The following MYO5B variants were observed in gnomAD, a reference collection of about 807,000 sequenced individuals.
MYO5B encodes myosin VB, also known as unconventional myosin-Vb.
A neutral mutation model predicts 229.3 loss-of-function variants in MYO5B; 143 were observed. The observed-to-expected ratio is 0.62, with a 90% CI of 0.54 to 0.72. The LOEUF is 0.72. MYO5B is among the 30% of genes least tolerant of loss of function. MYO5B has a pLI of 0.00. For missense variants in MYO5B, 2,321 were observed against 2,331.0 expected (o/e 1.00, Z 0.09); for synonymous variants, 918 against 885.2 (o/e 1.04, Z -0.66).
chr18:49,973,357 G>A (rs2025711425), intron 10 of MYO5B, among the ~76,000 whole-genome samples: 1 of 152,318 alleles, frequency 6.6e-6, no homozygotes, highest in Non-Finnish European at 1.5e-5. Context: ...TTCTACAGGG[G>A]ACTGGCCTTT....
At chr18:50,125,900 G>T (rs1372569216) in intron 1 of MYO5B, among the ~76,000 whole-genome samples, 2 of 152,186 alleles carry the variant, frequency 1.3e-5, no homozygotes, top group Non-Finnish European at 1.5e-5. Flanking sequence ...AAATAAGCCA[G>T]AAAAGGACAA....
At chr18:49,997,431 G>A (rs1358130763) in intron 5 of MYO5B, among the ~76,000 whole-genome samples, 1 of 122,316 alleles carries the variant, frequency 8.2e-6, no homozygotes, top group Non-Finnish European at 1.6e-5. Flanking sequence ...AGGCTGGAGT[G>A]CAATGGCATG....
Position 49,836,756 on chromosome 18 carries a change from G to A in MYO5B, c.5268C>T (p.Asp1756=), listed in dbSNP as rs1058514. 111 of 1,614,138 alleles carry A rather than the reference G, an allele frequency of 6.9e-5. No individual in the cohort carries two copies. The highest frequency in any genetic ancestry group is 3.3e-4 in the Middle Eastern group (2 of 6,056). Residue 1756 remains aspartate, a synonymous_variant, in exon 38 of 40, where the codon GAC becomes GAT. Coordinates refer to ENST00000285039, the MANE Select transcript of MYO5B (RefSeq NM_001080467.3). The stretch of plus-strand genomic sequence containing the variant: ...TACACAGGGAGCAGATAGCCTCTGC[G>A]TCCTCCTGGGTTTTCTTCTTTAATT... ...LLQLKKKTQE[D]AEAICSLCTS...
chr18:49,900,449 G>C (rs1002811581), intron 21 of MYO5B, among the ~76,000 whole-genome samples: 3 of 152,166 alleles, frequency 2.0e-5, no homozygotes, highest in Admixed American at 2.0e-4. Context: ...GCACCCTGTA[G>C]AACTAACACA....
At chr18:49,938,594 C>A (rs116514755) in intron 14 of MYO5B, among the ~76,000 whole-genome samples, 1 of 152,038 alleles carries the variant, frequency 6.6e-6, no homozygotes, top group African/African-American at 2.4e-5. Flanking sequence ...TTCCTTTAAC[C>A]CCCACTTAAG....
At position 50,125,950 on chromosome 18, in the gene MYO5B, C is replaced by G. The variant is rs186162194; in HGVS notation, c.27+68817G>C. Among the ~76,000 whole-genome samples the G allele has an allele frequency of 2.4e-4, 36 of 152,248 alleles. No individual in the cohort carries two copies. The East Asian group carries it at 6.6e-3, about 28-fold the overall frequency. On this transcript the variant is annotated intron_variant, in intron 1 of 39. Coordinates refer to ENST00000285039, the MANE Select transcript of MYO5B (RefSeq NM_001080467.3). ...ACTTACATGAGGGACCTAGAAGAGG[C>G]AAATCCATAGAGACAGAAAGTAGAC...
At chr18:49,979,408 T>TC (rs2144291747) in intron 9 of MYO5B, among the ~76,000 whole-genome samples, 1 of 152,160 alleles carries the variant, frequency 6.6e-6, no homozygotes, top group Admixed American at 6.5e-5. Flanking sequence ...CCTAGATCAT[T>TC]CCCCACAGAT....
intron 2 of MYO5B, among the ~76,000 whole-genome samples, chr18:50,053,739 ACAGAAGTTAGTGGTAGGATGTT>A (rs1453065444): frequency 6.6e-6 from 1 of 152,190 alleles, no homozygotes; most frequent in East Asian, 1.9e-4. Context: ...TTGATACAAA[ACAGAAGTTAGTGGTAGGATGTT>A]CAATCAACAA....
intron 1 of MYO5B, among the ~76,000 whole-genome samples, chr18:50,059,955 T>C (rs1342409693): frequency 1.3e-5 from 2 of 152,122 alleles, no homozygotes; most frequent in South Asian, 2.1e-4. Context: ...AACAGACACA[T>C]GAACTAAGAA....
intron 1 of MYO5B, among the ~76,000 whole-genome samples, chr18:50,101,557 A>G (rs566300925): frequency 6.6e-6 from 1 of 152,310 alleles, no homozygotes; most frequent in Admixed American, 6.5e-5. Context: ...AGAAAAAAAA[A>G]CAGACAACTC....
At position 49,847,127 on chromosome 18, in the gene MYO5B, T is replaced by A. The variant is rs1598828732; in HGVS notation, c.4459+19A>T. The A allele has an allele frequency of 6.2e-7, 1 of 1,613,488 alleles. No individual in the cohort carries two copies. The stretch of plus-strand genomic sequence containing the variant: ...TGAAGGAGGGGCAGGCAGCATAGGG[T>A]GGCACAGAGGGTCCTTACCTGTCAC... On this transcript the variant is annotated intron_variant, in intron 33 of 39. Coordinates refer to ENST00000285039, the MANE Select transcript of MYO5B (RefSeq NM_001080467.3).
chr18:49,942,600 A>G (rs2025329365), intron 14 of MYO5B, among the ~76,000 whole-genome samples: 1 of 152,106 alleles, frequency 6.6e-6, no homozygotes, highest in South Asian at 2.1e-4. Flanking sequence ...TGCAGCCAAA[A>G]GACACATGAA....
chr18:50,040,187 A>G lies in MYO5B; in HGVS notation c.266T>C (p.Leu89Ser), dbSNP rs1203146323. 20 of 1,614,124 alleles carry G rather than the reference A, an allele frequency of 1.2e-5. No homozygotes were observed. Among genetic ancestry groups the G allele is most frequent in the Non-Finnish European group, 1.7e-5 (20 of 1,180,016 alleles). Residue 89 changes from leucine (L) to serine (S), a missense_variant, in exon 3 of 40, where the codon TTG (leucine) becomes TCG (serine). Leu to Ser is a moderately radical substitution (Grantham distance 145). Around this residue, in one of 2 missense-constraint regions of MYO5B, gnomAD observed 2,113 missense variants for 2,044.7 expected, o/e 1.03. Coordinates refer to ENST00000285039, the MANE Select transcript of MYO5B (RefSeq NM_001080467.3). The part of the protein sequence containing the change: ...YLHEPAVLHN[L>S]KVRFLESNHI... ...GTTGGACTCCAGGAAACGGACCTTC[A>G]AATTATGCAAAACTGCAGGCTCATG...
intron 31 of MYO5B, 131 bp from the exon 32 acceptor site, chr18:49,849,791 C>T (rs1036961440): frequency 3.7e-5 from 28 of 765,684 alleles, no homozygotes; most frequent in Admixed American, 1.4e-4. Context: ...CAGTCAGGGA[C>T]GCTGCCAGGA....
chr18:50,110,678 T>C (rs1000514529), intron 1 of MYO5B, among the ~76,000 whole-genome samples: 1 of 152,178 alleles, frequency 6.6e-6, no homozygotes, highest in African/African-American at 2.4e-5. Flanking sequence ...TAGGGCCAAC[T>C]GAGGACGGAA....
intron 1 of MYO5B, among the ~76,000 whole-genome samples, chr18:50,118,663 C>T (rs1249890408): frequency 4.4e-5 from 6 of 135,642 alleles, no homozygotes; most frequent in South Asian, 2.3e-4. Context: ...CTCGCTTTGT[C>T]GCCCAGGCTG....
rs530724562 is a variant in MYO5B at position 50,000,959 on chromosome 18, G to T, written c.612+296C>A. ...TCTGACACGTGATGTCAGCAGGGAA[G>T]GGGACAGCAACAGAGGTGGAGGAGG... On this transcript the variant is annotated intron_variant, in intron 5 of 39. Transcript: ENST00000285039. 3.3e-5 allele frequency among the ~76,000 whole-genome samples: 5 copies of T among 152,326 alleles called. No homozygotes were observed. The East Asian group carries it at 9.6e-4, about 29-fold the overall frequency.
Position 50,055,208 on chromosome 18 carries a change from G to A in MYO5B, c.138+60C>T, listed in dbSNP as rs1306884436. ...AATGTACTATCTACTCCTGTTCCTT[G>A]CACACCTGAGCTCCCTGCCCCACCT... On this transcript the variant is annotated intron_variant, in intron 2 of 39. Transcript: ENST00000285039. 4.5e-6 allele frequency: 5 copies of A among 1,121,658 alleles called. No individual in the cohort carries two copies. The East Asian group carries it at 9.8e-5, about 22-fold the overall frequency. The allele number at this position is 1,121,658 out of a possible 1,614,324, so 69.5% of individuals were successfully genotyped here.
chr18:49,839,545 G>C (rs905241195), intron 35 of MYO5B, among the ~76,000 whole-genome samples: 1 of 152,232 alleles, frequency 6.6e-6, no homozygotes, highest in African/African-American at 2.4e-5. Flanking sequence ...TCCCTGAGGC[G>C]AAGTGATTTC....
Sources: gnomAD v4.1 joint callset for allele counts (sites outside exome capture counted in the v4.1 genomes callset) on GRCh38, gnomAD v4.1.1 for gene constraint, gnomAD v4.1.1 regional missense constraint, MANE v1.5 for transcripts, NCBI Gene and HGNC (gene_info 2026-07-23, HGNC 2026-07-21) for gene names.